Variants in RBM23 observed in about 807,000 individuals in gnomAD.
RBM23 encodes probable RNA-binding protein 23.
A neutral mutation model predicts 56.2 loss-of-function variants in RBM23; 53 were observed. The ratio of observed to expected loss-of-function variants is 0.94; its 90% CI spans 0.76 to 1.19. RBM23 has a LOEUF of 1.19. Among genes scored for constraint, RBM23 ranks in the 50% most tolerant of loss-of-function variants. The probability of loss-of-function intolerance (pLI) is 0.00; values close to 1 mark genes in which losing one functional copy is unlikely to be tolerated. For synonymous variants in RBM23, 197 were observed against 198.5 expected (o/e 0.99, Z 0.06); for missense variants, 642 against 590.3 (o/e 1.09, Z -0.91).
Position 22,916,440 on chromosome 14 carries a change from CT to C in RBM23, c.-11+2558del, listed in dbSNP as rs11382593. Among the ~76,000 whole-genome samples, 105 of 142,182 alleles carry C rather than the reference CT, an allele frequency of 7.4e-4. 2 individuals carry two copies. The highest frequency in any genetic ancestry group is 3.5e-3 in the Admixed American group (50 of 14,134). The allele number at this position is 142,182 out of a possible 152,430, so 93.3% of individuals were successfully genotyped here. ...CCAGGCTAACTTTTCATATTTTGGG[CT>C]TTTTTTTTTTTTCTGGTAGAGACAT... On this transcript the variant is annotated intron_variant, in intron 1 of 13. Transcript: ENST00000359890.
chr14:22,914,222 G>A (rs1396729755), intron 1 of RBM23, among the ~76,000 whole-genome samples: 1 of 151,858 alleles, frequency 6.6e-6, no homozygotes, highest in Non-Finnish European at 1.5e-5. Context: ...CTACTCAGGA[G>A]GCTGAGGCAG....
chr14:22,909,683 A>G, intron 2 of RBM23, 88 bp from the exon 3 acceptor site: 2 of 968,494 alleles, frequency 2.1e-6, no homozygotes, highest in African/African-American at 1.6e-5. Context: ...GTGGACAAGG[A>G]ATAAATCAAA....
chr14:22,908,506 C>A, intron 3 of RBM23, 126 bp from the exon 4 acceptor site: 1 of 989,722 alleles, frequency 1.0e-6, no homozygotes, highest in South Asian at 1.6e-5. Flanking sequence ...GATCCTCATG[C>A]CTTAGCCTCC....
chr14:22,903,107 T>G (rs762176279), intron 10 of RBM23: 5 of 985,312 alleles, frequency 5.1e-6, no homozygotes, highest in Non-Finnish European at 6.0e-6. Flanking sequence ...ACTAGGAATC[T>G]GGAACTCCTA....
At chr14:22,907,282 C>T (rs746070317) in intron 4 of RBM23, among the ~76,000 whole-genome samples, 6 of 151,966 alleles carry the variant, frequency 3.9e-5, no homozygotes, top group South Asian at 2.1e-4. Context: ...GCAGAGGTTG[C>T]GGTGAGCCAA....
At chr14:22,911,278 AC>A in intron 2 of RBM23, 49 bp downstream of exon 2, 1 of 1,445,016 alleles carries the variant, frequency 6.9e-7, no homozygotes, top group Non-Finnish European at 9.7e-7. Context: ...ATGATCGACA[AC>A]TACTCTTTCT....
chr14:22,905,193 A>G lies in RBM23; in HGVS notation c.627T>C (p.Ile209=), dbSNP rs201904569. 1.5e-5 allele frequency: 25 copies of G among 1,614,224 alleles called. No homozygotes were observed. In the African/African-American group the frequency reaches 3.1e-4, roughly 20 times the overall value. ...SDRNSRRSKG[I]AYVEFCEIQS... is the part of the protein sequence containing the mutation. ...GGATTTCACAGAATTCCACGTAGGC[A>G]ATGCCCTTAGAACGACGTGAGTTCC... Residue 209 remains isoleucine, a synonymous_variant, in exon 8 of 14, where the codon ATT becomes ATC. Coordinates refer to ENST00000359890, the MANE Select transcript of RBM23 (RefSeq NM_001077351.2).
rs946118259 is a variant in RBM23, at chr14:22,897,884, A to C, written c.*3846T>G. On this transcript the variant is annotated 3_prime_UTR_variant, in exon 14 of 14. Transcript: ENST00000359890. ...TTTCCTTGTTTACAAAGTAAAGATAATAAACTACTTGAGAGGATTGTTGTG... is the reference window on the plus strand; with the variant it reads ...TTTCCTTGTTTACAAAGTAAAGATACTAAACTACTTGAGAGGATTGTTGTG... 1 of 152,244 alleles carries C rather than the reference A, an allele frequency of 6.6e-6. No individual in the cohort carries two copies. Among genetic ancestry groups the C allele is most frequent in the Non-Finnish European group, 1.5e-5 (1 of 68,040 alleles). 9.4% of individuals were successfully genotyped at this position (152,244 alleles called of 1,614,324 possible). A position where few individuals can be genotyped will look rare whatever the true frequency, so the allele number is the denominator to read the frequency against.
chr14:22,905,035 G>A (rs1265024468), intron 8 of RBM23, 23 bp from the exon 9 acceptor site: 1 of 1,614,088 alleles, frequency 6.2e-7, no homozygotes, highest in African/African-American at 1.3e-5. Context: ...GAAATGATGG[G>A]TCATGTCCCA....
In RBM23 at chr14:22,905,027, A is replaced by G. The variant is rs748102857; in HGVS notation, c.727-15T>C. 2 of 1,614,154 alleles carry G rather than the reference A, an allele frequency of 1.2e-6. No individual in the cohort carries two copies. The highest frequency in any genetic ancestry group is 1.7e-6 in the Non-Finnish European group (2 of 1,180,020). The stretch of plus-strand genomic sequence containing the variant: ...TTTTTCTCTGCCTGGGGAAGGAGGA[A>G]ATGATGGGTCATGTCCCACATTCCC... On this transcript the variant is annotated splice_polypyrimidine_tract_variant and intron_variant, in intron 8 of 13. Coordinates refer to ENST00000359890, the MANE Select transcript of RBM23 (RefSeq NM_001077351.2).
rs762488407 is a variant in RBM23, at chr14:22,906,345, T to C, written c.251A>G (p.Tyr84Cys). 6.2e-7 allele frequency: 1 copy of C among 1,614,100 alleles called. No homozygotes were observed. Among genetic ancestry groups the C allele is most frequent in the Admixed American group, 1.7e-5 (1 of 60,004 alleles). The change falls in exon 5 of 14, where the codon TAT becomes TGT. Residue 84 changes from tyrosine to cysteine, a missense_variant. Coordinates refer to ENST00000359890, the MANE Select transcript of RBM23 (RefSeq NM_001077351.2). ...TCGGCTCCGACTATTTCTCCGTCTA[T>C]ACCGATCCCGATCTCGACTACGACT... ...KRSRSRDRDR[Y>C]RRRNSRSRSP...
At chr14:22,912,626 G>C (rs1170358102) in intron 1 of RBM23, among the ~76,000 whole-genome samples, 2 of 152,178 alleles carry the variant, frequency 1.3e-5, no homozygotes, top group Middle Eastern at 3.4e-3. Flanking sequence ...ATAATTACAC[G>C]GAGTGACAGA....
At position 22,899,813 on chromosome 14, in the gene RBM23, CCA is replaced by C. The variant is rs1258922840; in HGVS notation, c.*1915_*1916del. 1 of 152,162 alleles carries C rather than the reference CCA, an allele frequency of 6.6e-6. No individual in the cohort carries two copies. The highest frequency in any genetic ancestry group is 2.4e-5 in the African/African-American group (1 of 41,438). 9.4% of individuals were successfully genotyped at this position (152,162 alleles called of 1,614,324 possible). A position where few individuals can be genotyped will look rare whatever the true frequency, so the allele number is the denominator to read the frequency against. ...AAATGATTTTGTGTTAAAAGCAACC[CCA>C]GAGGCTAACATCACTGGCTTAGAAG... On this transcript the variant is annotated 3_prime_UTR_variant, in exon 14 of 14. Coordinates refer to ENST00000359890, the MANE Select transcript of RBM23 (RefSeq NM_001077351.2).
At chr14:22,910,475 A>C (rs1184276289) in intron 2 of RBM23, among the ~76,000 whole-genome samples, 1 of 131,868 alleles carries the variant, frequency 7.6e-6, no homozygotes, top group Non-Finnish European at 1.6e-5. Context: ...AAAAAAAAAA[A>C]GAAAGGAAAA....
At chr14:22,917,049 G>C (rs1198523746) in intron 1 of RBM23, 1 of 151,974 alleles carries the variant, frequency 6.6e-6, no homozygotes, top group Non-Finnish European at 1.5e-5. Flanking sequence ...TGTATTTTTA[G>C]CAGAGACGGG....
intron 12 of RBM23, 32 bp from the exon 13 acceptor site, chr14:22,901,915 A>G: frequency 6.2e-7 from 1 of 1,614,046 alleles, no homozygotes; most frequent in Non-Finnish European, 8.5e-7. Flanking sequence ...TGAGTGAGCA[A>G]GCACCGCGCA....
At position 22,901,658 on chromosome 14, in the gene RBM23, G is replaced by A. The variant is rs546277993; in HGVS notation, c.*72C>T. The A allele has an allele frequency of 2.5e-6, 4 of 1,570,710 alleles. No homozygotes were observed. The African/African-American group carries it at 5.4e-5, about 21-fold the overall frequency. ...GGCTTGGTCCACAAAATGGAGAAAT[G>A]GGGCCATGGAAGAGTAGATGTGAAG... On this transcript the variant is annotated 3_prime_UTR_variant, in exon 14 of 14. Transcript: ENST00000359890.
In RBM23 at chr14:22,901,548, C is replaced by T. The variant is rs1170455096; in HGVS notation, c.*182G>A. ...TGGCTTTGCTCAGCAGAGTCCATTT[C>T]CAGTGGGACCATGGGCAGGAGCTTT... On this transcript the variant is annotated 3_prime_UTR_variant, in exon 14 of 14. Coordinates refer to ENST00000359890, the MANE Select transcript of RBM23 (RefSeq NM_001077351.2). 4 of 843,242 alleles carry T rather than the reference C, an allele frequency of 4.7e-6. No homozygotes were observed. The highest frequency in any genetic ancestry group is 3.4e-5 in the African/African-American group (2 of 58,384). The allele number at this position is 843,242 out of a possible 1,614,324, so 52.2% of individuals were successfully genotyped here. A position where few individuals can be genotyped will look rare whatever the true frequency, so the allele number is the denominator to read the frequency against.
chr14:22,914,567 C>G (rs2139115857), intron 1 of RBM23, among the ~76,000 whole-genome samples: 1 of 152,066 alleles, frequency 6.6e-6, no homozygotes, highest in East Asian at 1.9e-4. Context: ...TGAAAGTGTA[C>G]ACTTTAATGT....
Sources: gnomAD v4.1 joint callset for allele counts (sites outside exome capture counted in the v4.1 genomes callset) on GRCh38, gnomAD v4.1.1 for gene constraint, MANE v1.5 for transcripts, NCBI Gene and HGNC (gene_info 2026-07-23, HGNC 2026-07-21) for gene names.